The following SPEN variants were observed in gnomAD, a reference collection of about 807,000 sequenced individuals.
SPEN encodes msx2-interacting protein.
Under a neutral mutation model 269.9 loss-of-function variants are expected in SPEN, and 18 were observed. The ratio of observed to expected loss-of-function variants is 0.07; its 90% CI spans 0.05 to 0.10. The LOEUF is 0.10. Ranked by LOEUF, SPEN falls within the 10% of genes least tolerant of loss-of-function variation. The probability of loss-of-function intolerance (pLI) is 1.00; values close to 1 mark genes in which losing one functional copy is unlikely to be tolerated. For synonymous variants in SPEN, 1,726 were observed against 1,765.7 expected, an observed-to-expected ratio of 0.98 and a Z score of 0.56; for missense variants, 3,822 against 4,631.2, an observed-to-expected ratio of 0.83 and a Z score of 5.07.
rs554442449 is a variant in SPEN at position 15,912,701 on chromosome 1, A to G, written c.1243+1400A>G. Among the ~76,000 whole-genome samples, 4 of 152,304 alleles carry G rather than the reference A, an allele frequency of 2.6e-5. No homozygotes were observed. The East Asian group carries it at 7.7e-4, about 29-fold the overall frequency. Reference sequence around the variant, plus strand: ...AAGCCTTCACAGTCCTTCTTCCATCAAGTTTGAGATGGATTGCCCTAAATT... The same window carrying G: ...AAGCCTTCACAGTCCTTCTTCCATCGAGTTTGAGATGGATTGCCCTAAATT... On this transcript the variant is annotated intron_variant, in intron 5 of 14. Coordinates refer to ENST00000375759, the MANE Select transcript of SPEN (RefSeq NM_015001.3).
intron 1 of SPEN, among the ~76,000 whole-genome samples, chr1:15,858,696 A>C (rs1432315117): frequency 6.6e-6 from 1 of 152,180 alleles, no homozygotes; most frequent in Non-Finnish European, 1.5e-5. Flanking sequence ...GCACTTTGGA[A>C]GGCTGAGGCA....
At chr1:15,888,322 T>A (rs575079931) in intron 3 of SPEN, among the ~76,000 whole-genome samples, 5,882 of 151,504 alleles carry the variant, frequency 0.039, 295 homozygotes, top group African/African-American at 0.12. Context: ...TTTTTTTTTT[T>A]AATTTTATTA....
chr1:15,893,132 CTGA>C (rs1220514277), intron 3 of SPEN, among the ~76,000 whole-genome samples: 1 of 152,150 alleles, frequency 6.6e-6, no homozygotes, highest in Non-Finnish European at 1.5e-5. Flanking sequence ...ACACTTTCAT[CTGA>C]TGATCATTTT....
intron 3 of SPEN, among the ~76,000 whole-genome samples, chr1:15,881,946 C>A (rs1209296477): frequency 6.6e-6 from 1 of 152,164 alleles, no homozygotes; most frequent in African/African-American, 2.4e-5. Flanking sequence ...CCTATGGAAA[C>A]AAGTTTGTCT....
chr1:15,933,882 A>T lies in SPEN; in HGVS notation c.7642A>T (p.Ser2548Cys), dbSNP rs771960249. The stretch of plus-strand genomic sequence containing the variant: ...GGACCCCAAGTATGTGTCTGCCACA[A>T]GTGTCACTTCCACAAGTGTCACCAC... The part of the protein sequence containing the change: ...LMDPKYVSAT[S>C]VTSTSVTTAI... The change falls in exon 11 of 15, where the codon AGT (serine) becomes TGT (cysteine). Residue 2548 changes from serine (S) to cysteine (C), a missense_variant. This residue lies in a region of SPEN where 727 missense variants were observed against 737.9 expected (regional missense o/e 0.99). Coordinates refer to ENST00000375759, the MANE Select transcript of SPEN (RefSeq NM_015001.3). The surrounding 1 kb of genome is among the most constrained non-coding windows in gnomAD (Gnocchi z 5.7). The T allele has an allele frequency of 6.2e-7, 1 of 1,613,900 alleles. No homozygotes were observed. Among genetic ancestry groups the T allele is most frequent in the Non-Finnish European group, 8.5e-7 (1 of 1,180,012 alleles).
chr1:15,858,907 G>A (rs1321612425), intron 1 of SPEN, among the ~76,000 whole-genome samples: 5 of 152,136 alleles, frequency 3.3e-5, no homozygotes, highest in East Asian at 1.9e-4. Flanking sequence ...CTGCGCTGCC[G>A]CACTCTACCC....
intron 3 of SPEN, among the ~76,000 whole-genome samples, chr1:15,898,717 C>T (rs1425587684): frequency 1.3e-5 from 2 of 151,682 alleles, no homozygotes; most frequent in African/African-American, 4.8e-5. Context: ...GTGCAACTAC[C>T]GCCTGGCTAA....
chr1:15,931,613 C>T lies in SPEN; in HGVS notation c.5373C>T (p.Ala1791=), dbSNP rs774685978. The T allele has an allele frequency of 9.9e-6, 16 of 1,614,012 alleles. No homozygotes were observed. Among genetic ancestry groups the T allele is most frequent in the East Asian group, 4.5e-5 (2 of 44,882 alleles). Residue 1791 remains alanine, a synonymous_variant, in exon 11 of 15, where the codon GCC becomes GCT. Transcript: ENST00000375759. The surrounding 1 kb of genome is among the most constrained non-coding windows in gnomAD (Gnocchi z 4.8). ...ADAEPDANQK[A]EAAPESQPPA... ...CTGAGCCTGATGCAAACCAGAAAGCCGAAGCTGCTCCTGAGTCTCAGCCCC... is the reference window on the plus strand; with the variant it reads ...CTGAGCCTGATGCAAACCAGAAAGCTGAAGCTGCTCCTGAGTCTCAGCCCC...
intron 13 of SPEN, chr1:15,938,486 C>T (rs1488709902): frequency 2.3e-6 from 1 of 432,848 alleles, no homozygotes; most frequent in Non-Finnish European, 4.1e-6. Flanking sequence ...ATGTAAAGTA[C>T]CTCTAGACCC....
In SPEN at chr1:15,867,895, G is replaced by A. The variant is rs879145254; in HGVS notation, c.84-4921G>A. Among the ~76,000 whole-genome samples the A allele has an allele frequency of 7.9e-5, 12 of 152,084 alleles. No homozygotes were observed. In the East Asian group the frequency reaches 2.3e-3, roughly 29 times the overall value. On this transcript the variant is annotated intron_variant, in intron 1 of 14. Coordinates refer to ENST00000375759, the MANE Select transcript of SPEN (RefSeq NM_015001.3). Reference sequence around the variant, plus strand: ...GCCACCCAGGCTGGTGTGCAATGGCGTGATCTCAGCCCACCGCAACTTCCG... The same window carrying A: ...GCCACCCAGGCTGGTGTGCAATGGCATGATCTCAGCCCACCGCAACTTCCG...
Position 15,932,268 on chromosome 1 carries a change from C to T in SPEN, c.6028C>T (p.Arg2010Cys), listed in dbSNP as rs767932162. 21 of 1,608,844 alleles carry T rather than the reference C, an allele frequency of 1.3e-5. No homozygotes were observed. Among genetic ancestry groups the T allele is most frequent in the East Asian group, 4.5e-5 (2 of 44,856 alleles). Residue 2010 changes from arginine to cysteine, a missense_variant, in exon 11 of 15, where the codon CGT becomes TGT. Coordinates refer to ENST00000375759, the MANE Select transcript of SPEN (RefSeq NM_015001.3). This position sits in a 1 kb window ranked among gnomAD's most constrained non-coding sequence, Gnocchi z 4.2. ...GKNEPKVDAT[R>C]PEATTEVGPQ... ...AAATGAACCGAAGGTGGATGCTACACGTCCTGAGGCCACCACTGAGGTGGG... is the reference window on the plus strand; with the variant it reads ...AAATGAACCGAAGGTGGATGCTACATGTCCTGAGGCCACCACTGAGGTGGG...
In SPEN at chr1:15,935,951, A is replaced by G. The variant is rs1477862516; in HGVS notation, c.9711A>G (p.Pro3237=). The G allele has an allele frequency of 6.2e-7, 1 of 1,605,752 alleles. No homozygotes were observed. Among genetic ancestry groups the G allele is most frequent in the African/African-American group, 1.3e-5 (1 of 74,620 alleles). Residue 3237 remains proline (P), a synonymous_variant, in exon 11 of 15, where the codon CCA becomes CCG. Coordinates refer to ENST00000375759, the MANE Select transcript of SPEN (RefSeq NM_015001.3). This position sits in a 1 kb window ranked among gnomAD's most constrained non-coding sequence, Gnocchi z 7.7. ...QQPGKEAAKT[P]DAKAAPTPTP... ...CAGGGAAGGAAGCTGCCAAGACACC[A>G]GATGCCAAAGCTGCCCCCACCCCCA...
chr1:15,936,096 C>A lies in SPEN; in HGVS notation c.9856C>A (p.Pro3286Thr). 6.2e-7 allele frequency: 1 copy of A among 1,609,782 alleles called. No homozygotes were observed. The highest frequency in any genetic ancestry group is 8.5e-7 in the Non-Finnish European group (1 of 1,177,044). The change falls in exon 11 of 15, where the codon CCT becomes ACT. Residue 3286 changes from proline to threonine, a missense_variant. This residue lies in a region of SPEN where 359 missense variants were observed against 377.3 expected (regional missense o/e 0.95). Transcript: ENST00000375759. Reference protein sequence around the residue: ...NQLQGLPLTPPVVVTHGVQIV... With the variant: ...NQLQGLPLTPTVVVTHGVQIV... ...ACTCCAGGGGCTGCCTCTGACCCCT[C>A]CTGTGGTGGTGACCCATGGGGTGCA...
intron 3 of SPEN, among the ~76,000 whole-genome samples, chr1:15,886,521 G>A (rs2070737934): frequency 6.6e-6 from 1 of 152,194 alleles, no homozygotes; most frequent in Non-Finnish European, 1.5e-5. Flanking sequence ...TGGGCCAGGC[G>A]GTGGGAGGGG....
Position 15,930,907 on chromosome 1 carries a change from T to C in SPEN, c.4667T>C (p.Ile1556Thr). The C allele has an allele frequency of 6.2e-7, 1 of 1,614,082 alleles. No individual in the cohort carries two copies. The highest frequency in any genetic ancestry group is 8.5e-7 in the Non-Finnish European group (1 of 1,179,994). Reference protein sequence around the residue: ...LERKEEDSDFISGRIYGKQTS... With the variant: ...LERKEEDSDFTSGRIYGKQTS... ...AGAAAAGAGGAAGATTCTGACTTCA[T>C]TTCTGGTAGGATCTATGGGAAGCAG... Residue 1556 changes from isoleucine (I) to threonine (T), a missense_variant, in exon 11 of 15, where the codon ATT becomes ACT. By Grantham distance (89) the Ile-to-Thr change is moderately conservative. This residue lies in a region of SPEN where 533 missense variants were observed against 618.8 expected (regional missense o/e 0.86). Coordinates refer to ENST00000375759, the MANE Select transcript of SPEN (RefSeq NM_015001.3). The surrounding 1 kb of genome is among the most constrained non-coding windows in gnomAD (Gnocchi z 5.3).
rs1174783667 is a variant in SPEN, at chr1:15,890,558, G to GTT, written c.881+13901_881+13902dup. 5.4e-3 allele frequency among the ~76,000 whole-genome samples: 705 copies of GTT among 129,644 alleles called. 9 individuals are homozygous for GTT. Among genetic ancestry groups the GTT allele is most frequent in the African/African-American group, 0.019 (623 of 33,274 alleles). The allele number at this position is 129,644 out of a possible 152,430, so 85.1% of individuals were successfully genotyped here. ...TTGATATTTTTAGATTTTGACTCAG[G>GTT]TTTTTTTTTTTTTTTTTTTTTTAAG... On this transcript the variant is annotated intron_variant, in intron 3 of 14. Coordinates refer to ENST00000375759, the MANE Select transcript of SPEN (RefSeq NM_015001.3).
At chr1:15,905,546 G>A (rs1287450829) in intron 3 of SPEN, among the ~76,000 whole-genome samples, 1 of 151,164 alleles carries the variant, frequency 6.6e-6, no homozygotes, top group Non-Finnish European at 1.5e-5. Flanking sequence ...ACAAACTTGT[G>A]TAGAACTTTT....
chr1:15,901,711 G>C (rs1281596289), intron 3 of SPEN, among the ~76,000 whole-genome samples: 1 of 151,342 alleles, frequency 6.6e-6, no homozygotes, highest in Admixed American at 6.6e-5. Context: ...ATCAGAAGTG[G>C]TGGAGTTGAA....
At chr1:15,881,479 G>A (rs1302169719) in intron 3 of SPEN, among the ~76,000 whole-genome samples, 1 of 152,142 alleles carries the variant, frequency 6.6e-6, no homozygotes, top group African/African-American at 2.4e-5. Context: ...AAAGCAGAAT[G>A]AACTTTCTGG....
Sources: allele counts gnomAD v4.1 joint callset (sites outside exome capture counted in the v4.1 genomes callset), GRCh38; gene constraint gnomAD v4.1.1; regional missense constraint gnomAD v4.1.1; non-coding constraint Gnocchi (gnomAD v3.1); transcripts MANE v1.5; gene names NCBI Gene and HGNC (gene_info 2026-07-23, HGNC 2026-07-21).